PMS1: variants seen among roughly 807,000 people sequenced by gnomAD.
PMS1 encodes the protein PMS1 protein homolog 1.
Under a neutral mutation model 93.1 loss-of-function variants are expected in PMS1, and 79 were observed. That is an observed-to-expected ratio of 0.85 (90% confidence interval 0.71 to 1.02). The LOEUF (loss-of-function observed/expected upper bound fraction) is 1.02. Among genes scored for constraint, PMS1 ranks in the 50% least tolerant of loss-of-function variants. PMS1 has a pLI of 0.00. For synonymous variants in PMS1, 335 were observed against 363.4 expected, an observed-to-expected ratio of 0.92 and a Z score of 0.89; for missense variants, 1,064 against 1,085.3, an observed-to-expected ratio of 0.98 and a Z score of 0.28.
At chr2:189,796,551 A>G (rs1238215761) in intron 3 of PMS1, among the ~76,000 whole-genome samples, 1 of 151,976 alleles carries the variant, frequency 6.6e-6, no homozygotes, top group African/African-American at 2.4e-5. Context: ...ATCCCCTAGT[A>G]CTCACTGTTC....
intron 3 of PMS1, among the ~76,000 whole-genome samples, chr2:189,799,327 T>A (rs2049663428): frequency 2.0e-5 from 3 of 152,138 alleles, no homozygotes; most frequent in Admixed American, 1.3e-4. Flanking sequence ...TAGATGTGTG[T>A]GTGTATGCAT....
intron 6 of PMS1, among the ~76,000 whole-genome samples, chr2:189,848,002 AC>A (rs1328130622): frequency 6.6e-6 from 1 of 152,160 alleles, no homozygotes; most frequent in Non-Finnish European, 1.5e-5. Context: ...GTGGCCAGCT[AC>A]AGTGTTAGCC....
chr2:189,854,899 G>A lies in PMS1; in HGVS notation c.1627G>A (p.Glu543Lys), dbSNP rs1235163056. ...YPIPEQMNLN[E>K]DSCNKKSNVI... Reference sequence around the variant, plus strand: ...AATCCCTGAACAAATGAATCTTAATGAAGATTCATGTAACAAAAAATCAAA... The same window carrying A: ...AATCCCTGAACAAATGAATCTTAATAAAGATTCATGTAACAAAAAATCAAA... The change falls in exon 9 of 13, where the codon GAA becomes AAA. Residue 543 changes from glutamate to lysine, a missense_variant. Coordinates refer to ENST00000441310, the MANE Select transcript of PMS1 (RefSeq NM_000534.5). 1.3e-6 allele frequency: 2 copies of A among 1,593,716 alleles called. No homozygotes were observed. Among genetic ancestry groups the A allele is most frequent in the Non-Finnish European group, 1.7e-6 (2 of 1,162,650 alleles).
intron 11 of PMS1, among the ~76,000 whole-genome samples, chr2:189,868,575 G>T (rs1235216850): frequency 6.6e-6 from 1 of 152,142 alleles, no homozygotes; most frequent in African/African-American, 2.4e-5. Flanking sequence ...TCTTCATCTG[G>T]TATCAGAGAG....
intron 5 of PMS1, among the ~76,000 whole-genome samples, chr2:189,840,197 C>T (rs1157916724): frequency 6.6e-6 from 1 of 152,038 alleles, no homozygotes; most frequent in African/African-American, 2.4e-5. Flanking sequence ...CCCCCAGAGC[C>T]AGAGTAATTT....
chr2:189,866,321 A>G (rs2056653992), intron 10 of PMS1, among the ~76,000 whole-genome samples: 1 of 152,192 alleles, frequency 6.6e-6, no homozygotes, highest in South Asian at 2.1e-4. Flanking sequence ...AAACAAATAC[A>G]TTAAAAACTA....
chr2:189,873,617 T>A lies in PMS1; in HGVS notation c.2595T>A (p.Val865=), dbSNP rs767398078. The A allele has an allele frequency of 3.1e-6, 5 of 1,607,334 alleles. 1 individual carries two copies. The East Asian group carries it at 1.1e-4, about 36-fold the overall frequency. ...TATTAAACAGAAATGCAAAGGAAGT[T>A]TATGAATGTAGACCTCGCAAAGTGA... is the stretch of plus-strand genomic sequence containing the variant. ...NAILNRNAKE[V]YECRPRKVIS... is the part of the protein sequence containing the mutation. The change falls in exon 12 of 13, where the codon GTT becomes GTA. Residue 865 remains valine (V), a synonymous_variant. Coordinates refer to ENST00000441310, the MANE Select transcript of PMS1 (RefSeq NM_000534.5).
rs746096258 is a variant in PMS1, at chr2:189,854,779, A to G, written c.1507A>G (p.Ile503Val). The change falls in exon 9 of 13, where the codon ATA (isoleucine) becomes GTA (valine). Residue 503 changes from isoleucine (I) to valine (V), a missense_variant. Coordinates refer to ENST00000441310, the MANE Select transcript of PMS1 (RefSeq NM_000534.5). ...TGCAGATGAGTGGAGCAGGGGAAATATACTTAAAAATTCAGTGGGAGAGAA... is the reference window on the plus strand; with the variant it reads ...TGCAGATGAGTGGAGCAGGGGAAATGTACTTAAAAATTCAGTGGGAGAGAA... ...ISADEWSRGNILKNSVGENIE... is the reference protein window; with the variant it reads ...ISADEWSRGNVLKNSVGENIE... 1.9e-6 allele frequency: 3 copies of G among 1,613,668 alleles called. No homozygotes were observed. Among genetic ancestry groups the G allele is most frequent in the African/African-American group, 1.3e-5 (1 of 74,916 alleles).
intron 3 of PMS1, among the ~76,000 whole-genome samples, chr2:189,799,851 T>G (rs1559223292): frequency 6.6e-6 from 1 of 152,212 alleles, no homozygotes. Context: ...AACGTCCCAG[T>G]TCAGGACAAC....
At chr2:189,844,809 A>G (rs2106418254) in intron 6 of PMS1, among the ~76,000 whole-genome samples, 1 of 151,740 alleles carries the variant, frequency 6.6e-6, no homozygotes, top group East Asian at 1.9e-4. Flanking sequence ...TTTCAGTCAT[A>G]TCAGCAATAG....
intron 5 of PMS1, among the ~76,000 whole-genome samples, chr2:189,843,004 ATATATATAT>A (rs2053945545): frequency 4.4e-5 from 6 of 137,720 alleles, no homozygotes; most frequent in Middle Eastern, 3.6e-3. Flanking sequence ...GTGTGTGTGT[ATATATATAT>A]TTTTTTCTTA....
chr2:189,822,554 A>C (rs2052020297), intron 5 of PMS1, among the ~76,000 whole-genome samples: 1 of 152,170 alleles, frequency 6.6e-6, no homozygotes, highest in Non-Finnish European at 1.5e-5. Context: ...ATTATGTTAC[A>C]GTTGTAGAAG....
chr2:189,786,843 G>A (rs1025970166), intron 1 of PMS1, among the ~76,000 whole-genome samples: 4 of 152,148 alleles, frequency 2.6e-5, no homozygotes, highest in Non-Finnish European at 5.9e-5. Context: ...CCTGAGGTCA[G>A]GAGTTTGAGA....
At chr2:189,869,888 C>T (rs1441888147) in intron 11 of PMS1, among the ~76,000 whole-genome samples, 2 of 151,624 alleles carry the variant, frequency 1.3e-5, no homozygotes, top group African/African-American at 4.8e-5. Flanking sequence ...TTCTTACCTG[C>T]CACTCAATTC....
intron 9 of PMS1, among the ~76,000 whole-genome samples, chr2:189,860,800 ATTTTTTTTTTTTTTTT>A (rs1158514130): frequency 7.6e-4 from 31 of 41,028 alleles, no homozygotes; most frequent in African/African-American, 9.4e-4. Flanking sequence ...TCTTTGAGGA[ATTTTTTTTTTTTTTTT>A]TTTTTTTTTT....
At chr2:189,795,991 C>T (rs1486611886) in intron 3 of PMS1, 40 bp downstream of exon 3, 4 of 1,298,360 alleles carry the variant, frequency 3.1e-6, no homozygotes, top group Non-Finnish European at 3.4e-6. Flanking sequence ...ATTTCATATT[C>T]ACTGAACATT....
At chr2:189,853,082 C>T (rs865905138) in intron 7 of PMS1, among the ~76,000 whole-genome samples, 4 of 151,954 alleles carry the variant, frequency 2.6e-5, no homozygotes, top group African/African-American at 7.3e-5. Context: ...GATGGAGTTT[C>T]GCTCTCCAGG....
intron 11 of PMS1, among the ~76,000 whole-genome samples, chr2:189,869,503 G>A (rs1026347776): frequency 6.6e-6 from 1 of 152,068 alleles, no homozygotes; most frequent in Non-Finnish European, 1.5e-5. Context: ...TTGGTGGCAG[G>A]TACTGGTTTT....
chr2:189,828,318 GA>G (rs2052628427), intron 5 of PMS1, among the ~76,000 whole-genome samples: 2 of 152,280 alleles, frequency 1.3e-5, no homozygotes, highest in South Asian at 4.1e-4. Flanking sequence ...AAGAGCTTTT[GA>G]ATGTTGTCAT....
Sources: gnomAD v4.1 joint callset for allele counts (sites outside exome capture counted in the v4.1 genomes callset) on GRCh38, gnomAD v4.1.1 for gene constraint, MANE v1.5 for transcripts, NCBI Gene and HGNC (gene_info 2026-07-23, HGNC 2026-07-21) for gene names.